Variants in SYBU observed in about 807,000 individuals in gnomAD.
The protein encoded by SYBU is syntabulin, also known as GOLSYN A protein.
A neutral mutation model predicts 35.9 loss-of-function variants in SYBU; 21 were observed. The ratio of observed to expected loss-of-function variants is 0.58; its 90% confidence interval spans 0.41 to 0.84. SYBU has a LOEUF of 0.84. SYBU is among the 40% of genes least tolerant of loss of function. The pLI, the probability that SYBU is intolerant of heterozygous loss-of-function variation, is 0.00. For missense variants in SYBU, 768 were observed against 848.2 expected (o/e 0.91, Z 1.17); for synonymous variants, 319 against 324.3 (o/e 0.98, Z 0.18).
At chr8:109,632,868 C>T (rs1477722148) in intron 2 of SYBU, among the ~76,000 whole-genome samples, 1 of 152,168 alleles carries the variant, frequency 6.6e-6, no homozygotes. Context: ...CAAGCAATGA[C>T]AGGTACAGGT....
chr8:109,638,381 A>T (rs11987841), intron 2 of SYBU, among the ~76,000 whole-genome samples: 2,664 of 152,296 alleles, frequency 0.017, 81 homozygotes, highest in African/African-American at 0.059. Context: ...AGGGGGAGAA[A>T]AATGGATAGA....
rs187235970 is a variant in SYBU at position 109,634,691 on chromosome 8, A to T, written c.229+8037T>A. On this transcript the variant is annotated intron_variant, in intron 2 of 6. Coordinates refer to ENST00000276646, the MANE Select transcript of SYBU (RefSeq NM_001099754.2). ...GGTGGCTCGTGACTGTAATCCCAGC[A>T]CTTTGGGAGGCCAAAGCAAGCAAGA... 4.6e-3 allele frequency among the ~76,000 whole-genome samples: 705 copies of T among 152,310 alleles called. 5 individuals carry two copies. The highest frequency in any genetic ancestry group is 0.016 in the African/African-American group (670 of 41,558).
At chr8:109,668,644 C>T (rs1816855903) in intron 1 of SYBU, among the ~76,000 whole-genome samples, 1 of 152,124 alleles carries the variant, frequency 6.6e-6, no homozygotes, top group Non-Finnish European at 1.5e-5. Flanking sequence ...ACATATTATT[C>T]ATGGTATTAC....
chr8:109,628,954 A>T (rs1339715897), intron 2 of SYBU, among the ~76,000 whole-genome samples: 1 of 151,646 alleles, frequency 6.6e-6, no homozygotes, highest in Non-Finnish European at 1.5e-5. Flanking sequence ...TTTTGACCCT[A>T]AACCAAAAAA....
intron 1 of SYBU, among the ~76,000 whole-genome samples, chr8:109,656,146 T>C (rs769504042): frequency 2.0e-5 from 3 of 152,066 alleles, no homozygotes; most frequent in Non-Finnish European, 4.4e-5. Context: ...ACCATCTAGG[T>C]AGACCTATTT....
intron 6 of SYBU, among the ~76,000 whole-genome samples, chr8:109,576,559 C>G (rs1437094104): frequency 6.6e-6 from 1 of 152,088 alleles, no homozygotes; most frequent in Non-Finnish European, 1.5e-5. Flanking sequence ...TTTAGCCTTG[C>G]TAAATTGTTC....
chr8:109,656,433 GAATA>G (rs1259008117), intron 1 of SYBU, among the ~76,000 whole-genome samples: 1 of 152,130 alleles, frequency 6.6e-6, no homozygotes, highest in African/African-American at 2.4e-5. Context: ...TGAGTATGGG[GAATA>G]AATATAGAAT....
At chr8:109,678,074 C>T (rs138812568) in intron 1 of SYBU, among the ~76,000 whole-genome samples, 1,318 of 124,980 alleles carry the variant, frequency 0.011, 28 homozygotes, top group African/African-American at 0.038. Context: ...GTGGGGGTCG[C>T]GGTGAGCTGA....
intron 3 of SYBU, among the ~76,000 whole-genome samples, chr8:109,601,664 G>A (rs1410051919): frequency 6.6e-6 from 1 of 152,148 alleles, no homozygotes; most frequent in African/African-American, 2.4e-5. Flanking sequence ...GATACACCAG[G>A]AAGAATATAG....
chr8:109,676,398 A>G (rs1817191733), intron 1 of SYBU, among the ~76,000 whole-genome samples: 1 of 152,228 alleles, frequency 6.6e-6, no homozygotes, highest in Non-Finnish European at 1.5e-5. Context: ...CCATTGTCTC[A>G]GCCCAAAATC....
chr8:109,585,945 T>C, intron 4 of SYBU, 115 bp downstream of exon 4: 2 of 713,722 alleles, frequency 2.8e-6, no homozygotes, highest in Non-Finnish European at 4.7e-6. Context: ...ACAAAAAGCC[T>C]CACTGAATAA....
chr8:109,625,503 G>T (rs1251396031), intron 2 of SYBU, among the ~76,000 whole-genome samples: 1 of 152,086 alleles, frequency 6.6e-6, no homozygotes, highest in Non-Finnish European at 1.5e-5. Flanking sequence ...CCTCACTGCA[G>T]ACTCCAACTC....
chr8:109,591,063 C>T (rs943254009), intron 3 of SYBU, among the ~76,000 whole-genome samples: 7 of 152,222 alleles, frequency 4.6e-5, no homozygotes, highest in African/African-American at 1.7e-4. Flanking sequence ...TCCAAAAAGA[C>T]AACCTAGTTG....
intron 1 of SYBU, among the ~76,000 whole-genome samples, chr8:109,678,839 CT>C (rs1184191097): frequency 1.3e-5 from 2 of 152,128 alleles, no homozygotes; most frequent in Non-Finnish European, 2.9e-5. Flanking sequence ...TTAAAAAATA[CT>C]GATGCATGGA....
intron 1 of SYBU, among the ~76,000 whole-genome samples, chr8:109,671,513 G>A (rs1217256369): frequency 6.6e-6 from 1 of 152,136 alleles, no homozygotes; most frequent in Non-Finnish European, 1.5e-5. Flanking sequence ...TGGGTTCTAA[G>A]TTCCACTGCA....
chr8:109,680,504 G>T (rs552417839), intron 1 of SYBU, among the ~76,000 whole-genome samples: 1 of 152,338 alleles, frequency 6.6e-6, no homozygotes, highest in Admixed American at 6.5e-5. Flanking sequence ...CAAATTCTTT[G>T]CTATTTAAAT....
At chr8:109,618,102 G>A (rs1812016439) in intron 3 of SYBU, among the ~76,000 whole-genome samples, 1 of 152,178 alleles carries the variant, frequency 6.6e-6, no homozygotes. Flanking sequence ...TAGCATAACT[G>A]TGAATGTTAA....
Position 109,644,743 on chromosome 8 carries a change from G to C in SYBU, c.-84C>G. The C allele has an allele frequency of 7.8e-7, 1 of 1,287,160 alleles. No individual in the cohort carries two copies. Among genetic ancestry groups the C allele is most frequent in the Non-Finnish European group, 1.0e-6 (1 of 1,003,016 alleles). The allele number at this position is 1,287,160 out of a possible 1,614,324, so 79.7% of individuals were successfully genotyped here. ...TGCGAGCACGGAGCGAGGAGACTGC[G>C]CTGAGCCGGCGCGGGCTGCGGGCGG... On this transcript the variant is annotated 5_prime_UTR_variant, in exon 1 of 7. Transcript: ENST00000276646.
chr8:109,659,355 T>C (rs1312695857), intron 1 of SYBU, among the ~76,000 whole-genome samples: 1 of 152,174 alleles, frequency 6.6e-6, no homozygotes, highest in Non-Finnish European at 1.5e-5. Flanking sequence ...CTGATGCTCC[T>C]TCTTGGCCTC....
Sources: allele counts gnomAD v4.1 joint callset (sites outside exome capture counted in the v4.1 genomes callset), GRCh38; gene constraint gnomAD v4.1.1; transcripts MANE v1.5; gene names NCBI Gene and HGNC (gene_info 2026-07-23, HGNC 2026-07-21).